KCNC4: variants seen among roughly 807,000 people sequenced by gnomAD.
The protein encoded by KCNC4 is voltage-gated potassium channel KCNC4.
In KCNC4, 23 loss-of-function variants were observed where a neutral mutation model predicts 42.8. The ratio of observed to expected loss-of-function variants is 0.54; its 90% CI spans 0.39 to 0.76. KCNC4 has a LOEUF of 0.76. KCNC4 is among the 30% of genes least tolerant of loss of function. KCNC4 has a pLI of 0.00. For synonymous variants in KCNC4, 422 were observed against 393.5 expected, an observed-to-expected ratio of 1.07 and a Z score of -0.86; for missense variants, 751 against 898.2, an observed-to-expected ratio of 0.84 and a Z score of 2.10.
rs1478810298 is a variant in KCNC4 at position 110,211,493 on chromosome 1, GCTT to G, written c.-3_-1del. ...CCGCCCCAAGCCGGAGCCCCGCAGC[GCTT>G]CTTATGATCAGCTCGGTGTGTGTCT... On this transcript the variant is annotated 5_prime_UTR_variant, in exon 1 of 4. Coordinates refer to ENST00000438661, the MANE Select transcript of KCNC4 (RefSeq NM_001039574.3). The surrounding 1 kb of genome is among the most constrained non-coding windows in gnomAD (Gnocchi z 6.5). The G allele has an allele frequency of 3.7e-6, 6 of 1,607,192 alleles. No homozygotes were observed. The highest frequency in any genetic ancestry group is 3.3e-5 in the South Asian group (3 of 90,782).
intron 2 of KCNC4, chr1:110,225,153 C>T (rs1029962066): frequency 1.3e-5 from 2 of 152,246 alleles, no homozygotes; most frequent in African/African-American, 2.4e-5. Flanking sequence ...AGTATTAAAA[C>T]GTAGAAGTCC....
At chr1:110,263,521 A>G (rs1231467699) in intron 1 of KCNC4, among the ~76,000 whole-genome samples, 1 of 152,148 alleles carries the variant, frequency 6.6e-6, no homozygotes, top group Admixed American at 6.5e-5. Context: ...AAGGTTAAAT[A>G]GGAGCACGTT....
downstream of KCNC4, among the ~76,000 whole-genome samples, chr1:110,251,798 CA>C (rs1213690711): frequency 6.6e-6 from 1 of 152,222 alleles, no homozygotes; most frequent in African/African-American, 2.4e-5. Flanking sequence ...ATTATGCAGG[CA>C]AAGACAACAA....
chr1:110,229,090 C>T (rs1282158336), intron 3 of KCNC4: 1 of 152,218 alleles, frequency 6.6e-6, no homozygotes, highest in Admixed American at 6.5e-5. Context: ...ATGTTAATAT[C>T]TTTAATCACT....
chr1:110,215,075 T>C (rs1657713257), intron 1 of KCNC4, among the ~76,000 whole-genome samples: 1 of 152,272 alleles, frequency 6.6e-6, no homozygotes, highest in Non-Finnish European at 1.5e-5. Flanking sequence ...AGAGGAGCAG[T>C]GCTCTGCCCT....
At position 110,211,415 on chromosome 1, in the gene KCNC4, C is replaced by G; in HGVS notation, c.-85C>G. 1 of 1,491,242 alleles carries G rather than the reference C, an allele frequency of 6.7e-7. No individual in the cohort carries two copies. Among genetic ancestry groups the G allele is most frequent in the Non-Finnish European group, 9.0e-7 (1 of 1,114,988 alleles). 92.4% of individuals were successfully genotyped at this position (1,491,242 alleles called of 1,614,324 possible). A position where few individuals can be genotyped will look rare whatever the true frequency, so the allele number is the denominator to read the frequency against. The stretch of plus-strand genomic sequence containing the variant: ...CCTCCTGCCTCCTCTTCGTCTCCTC[C>G]CCCTCCCCCGTCTGACGCTGCCTCC... On this transcript the variant is annotated 5_prime_UTR_variant, in exon 1 of 4. Coordinates refer to ENST00000438661, the MANE Select transcript of KCNC4 (RefSeq NM_001039574.3). The surrounding 1 kb of genome is among the most constrained non-coding windows in gnomAD (Gnocchi z 6.5).
chr1:110,243,562 T>G (rs1571066179), exon 4 of KCNC4: 1 of 151,012 alleles, frequency 6.6e-6, no homozygotes. Flanking sequence ...GGCAGGGAGG[T>G]GAGAGGAAGC....
At chr1:110,222,050 T>G (rs1658128693) in intron 1 of KCNC4, 1 of 152,260 alleles carries the variant, frequency 6.6e-6, no homozygotes, top group South Asian at 2.1e-4. Context: ...GCCACTCTGA[T>G]GCTGATGCGT....
At chr1:110,247,104 T>C in exon 4 of KCNC4, 1 of 152,212 alleles carries the variant, frequency 6.6e-6, no homozygotes, top group East Asian at 1.9e-4. Context: ...GGCTGAATAG[T>C]ATTCCACGTG....
intron 1 of KCNC4, among the ~76,000 whole-genome samples, chr1:110,282,047 C>A (rs1436115354): frequency 6.6e-6 from 1 of 152,224 alleles, no homozygotes; most frequent in African/African-American, 2.4e-5. Context: ...GCCTAGGGAC[C>A]AGTCCAGGAG....
At chr1:110,220,440 G>T (rs917858458) in intron 1 of KCNC4, 1 of 152,050 alleles carries the variant, frequency 6.6e-6, no homozygotes, top group Non-Finnish European at 1.5e-5. Flanking sequence ...CCCTGGCCCT[G>T]CTATGAGAGG....
At chr1:110,232,473 A>G in intron 3 of KCNC4, 1 of 1,444,470 alleles carries the variant, frequency 6.9e-7, no homozygotes, top group Non-Finnish European at 9.1e-7. Context: ...GCCACAGGCC[A>G]CATCAGGAAC....
intron 1 of KCNC4, among the ~76,000 whole-genome samples, chr1:110,269,339 T>C (rs983371838): frequency 2.0e-5 from 3 of 152,190 alleles, no homozygotes; most frequent in African/African-American, 2.4e-5. Context: ...ACTTCCCCCA[T>C]CGCCAGCTTC....
intron 3 of KCNC4, chr1:110,228,678 C>G (rs1476269564): frequency 6.5e-6 from 1 of 152,764 alleles, no homozygotes; most frequent in Non-Finnish European, 1.5e-5. Context: ...CCGGCCCACC[C>G]CCTGGTCACT....
At position 110,211,970 on chromosome 1, in the gene KCNC4, G is replaced by A. The variant is rs1571018714; in HGVS notation, c.471G>A (p.Ala157=). 1 of 1,611,080 alleles carries A rather than the reference G, an allele frequency of 6.2e-7. No homozygotes were observed. Among genetic ancestry groups the A allele is most frequent in the East Asian group, 2.2e-5 (1 of 44,806 alleles). The stretch of plus-strand genomic sequence containing the variant: ...GGCAGCACCGCGACGCCGAGGAGGC[G>A]CTCGACATCTTCGAGAGCCCGGACG... ...TYRQHRDAEE[A]LDIFESPDGG... Residue 157 remains alanine, a synonymous_variant, in exon 1 of 4, where the codon GCG becomes GCA. Transcript: ENST00000438661. The surrounding 1 kb of genome is among the most constrained non-coding windows in gnomAD (Gnocchi z 6.5).
chr1:110,232,666 C>T (rs1658755949), intron 3 of KCNC4: 1 of 1,464,420 alleles, frequency 6.8e-7, no homozygotes, highest in East Asian at 2.5e-5. Context: ...AAGGGTTCAC[C>T]CCATTCCCTG....
intron 1 of KCNC4, among the ~76,000 whole-genome samples, chr1:110,270,599 C>T (rs543607622): frequency 6.6e-6 from 1 of 152,242 alleles, no homozygotes; most frequent in Middle Eastern, 3.4e-3. Flanking sequence ...TGAGCACAAA[C>T]CAGGAGGCTG....
rs1328833906 is a variant in KCNC4 at position 110,233,700 on chromosome 1, G to C, written c.*728G>C. The C allele has an allele frequency of 6.6e-6, 1 of 152,510 alleles. No individual in the cohort carries two copies. Among genetic ancestry groups the C allele is most frequent in the Non-Finnish European group, 1.5e-5 (1 of 68,296 alleles). The allele number at this position is 152,510 out of a possible 1,614,324, so 9.4% of individuals were successfully genotyped here. ...GTCAAAGATGCTGCTGGGCAGACAGGCAGGGAAAGGATCTGTCTGCCCATC... is the reference window on the plus strand; with the variant it reads ...GTCAAAGATGCTGCTGGGCAGACAGCCAGGGAAAGGATCTGTCTGCCCATC... On this transcript the variant is annotated 3_prime_UTR_variant, in exon 4 of 4. Transcript: ENST00000438661.
rs759968489 is a variant in KCNC4, at chr1:110,223,413, C to G, written c.1128C>G (p.Ala376=). ...GLRVLGHTLR[A]STNEFLLLII... ...GCGTGCTGGGCCACACCCTGAGGGC[C>G]AGCACCAATGAGTTCCTGCTGCTTA... The change falls in exon 2 of 4, where the codon GCC becomes GCG. Residue 376 remains alanine, a synonymous_variant. Transcript: ENST00000438661. This position sits in a 1 kb window ranked among gnomAD's most constrained non-coding sequence, Gnocchi z 7.5. 4 of 1,614,000 alleles carry G rather than the reference C, an allele frequency of 2.5e-6. No homozygotes were observed. The highest frequency in any genetic ancestry group is 2.2e-5 in the South Asian group (2 of 91,084).
Sources: allele counts gnomAD v4.1 joint callset (sites outside exome capture counted in the v4.1 genomes callset), GRCh38; gene constraint gnomAD v4.1.1; non-coding constraint Gnocchi (gnomAD v3.1); transcripts MANE v1.5; gene names NCBI Gene and HGNC (gene_info 2026-07-23, HGNC 2026-07-21).